The following PXDNL variants were observed in gnomAD, a reference collection of about 807,000 sequenced individuals.
The protein encoded by PXDNL is peroxidasin like, also known as probable oxidoreductase PXDNL.
Under a neutral mutation model 150.8 loss-of-function variants are expected in PXDNL, and 145 were observed. The ratio of observed to expected loss-of-function variants is 0.96; its 90% CI spans 0.84 to 1.10. The LOEUF is 1.10. Among genes scored for constraint, PXDNL ranks in the 50% least tolerant of loss-of-function variants. The pLI is 0.00. For missense variants in PXDNL, 2,087 were observed against 1,873.9 expected (o/e 1.11, Z -2.10); for synonymous variants, 757 against 725.7 (o/e 1.04, Z -0.69).
chr8:51,694,021 T>C (rs1331671229), intron 1 of PXDNL, among the ~76,000 whole-genome samples: 1 of 152,174 alleles, frequency 6.6e-6, no homozygotes, highest in Admixed American at 6.5e-5. Flanking sequence ...ATCACTCTTT[T>C]TGGGGAAACA....
At chr8:51,599,359 G>A (rs1813643028) in intron 2 of PXDNL, among the ~76,000 whole-genome samples, 1 of 151,588 alleles carries the variant, frequency 6.6e-6, no homozygotes, top group Non-Finnish European at 1.5e-5. Flanking sequence ...AATTTTTTGA[G>A]GTAGGCATTT....
chr8:51,390,494 G>A (rs1442030546), intron 17 of PXDNL, among the ~76,000 whole-genome samples: 4 of 152,138 alleles, frequency 2.6e-5, no homozygotes, highest in African/African-American at 9.7e-5. Flanking sequence ...GATGAAATAA[G>A]TACAAATATT....
rs1816320827 is a variant in PXDNL at position 51,704,409 on chromosome 8, G to T, written c.165-49649C>A. Among the ~76,000 whole-genome samples, 4 of 152,298 alleles carry T rather than the reference G, an allele frequency of 2.6e-5. No individual in the cohort carries two copies. The South Asian group carries it at 8.3e-4, about 32-fold the overall frequency. On this transcript the variant is annotated intron_variant, in intron 1 of 22. Coordinates refer to ENST00000356297, the MANE Select transcript of PXDNL (RefSeq NM_144651.5). ...TATTCGAAGATATTTGGGTTGCTAA[G>T]AGTTACTTGCTGTTACAAAGATGTC... is the stretch of plus-strand genomic sequence containing the variant.
intron 1 of PXDNL, among the ~76,000 whole-genome samples, chr8:51,741,256 G>A (rs1470577644): frequency 6.6e-6 from 1 of 152,150 alleles, no homozygotes; most frequent in Non-Finnish European, 1.5e-5. Context: ...AGATTTGCTA[G>A]TTTATTTGCG....
chr8:51,457,766 T>A, intron 8 of PXDNL, 99 bp from the exon 9 acceptor site: 1 of 749,662 alleles, frequency 1.3e-6, no homozygotes, highest in Non-Finnish European at 2.0e-6. Flanking sequence ...ATGTTTCATG[T>A]CTACCAAATT....
intron 5 of PXDNL, among the ~76,000 whole-genome samples, chr8:51,493,977 G>T (rs546358810): frequency 7.2e-6 from 1 of 138,560 alleles, no homozygotes; most frequent in African/African-American, 2.7e-5. Context: ...ACACATAATT[G>T]TCAGATTCAC....
intron 4 of PXDNL, among the ~76,000 whole-genome samples, chr8:51,529,708 A>G (rs1357502919): frequency 1.3e-5 from 2 of 152,292 alleles, no homozygotes; most frequent in East Asian, 3.9e-4. Flanking sequence ...AGATGCACAC[A>G]GCCAGCTACC....
At chr8:51,780,654 C>CTTTTTTTTTTTTTTTTTTTTTTTTT (rs71237240) in intron 1 of PXDNL, among the ~76,000 whole-genome samples, 1 of 75,172 alleles carries the variant, frequency 1.3e-5, no homozygotes, top group East Asian at 3.7e-4. Context: ...CTTTTCTTTT[C>CTTTTTTTTTTTTTTTTTTTTTTTTT]TTTTTTTTTT....
chr8:51,353,329 G>A lies in PXDNL; in HGVS notation c.3902-7382C>T, dbSNP rs146143385. Among the ~76,000 whole-genome samples the A allele has an allele frequency of 8.6e-3, 1,301 of 150,974 alleles. 24 individuals are homozygous for A. Among genetic ancestry groups the A allele is most frequent in the African/African-American group, 0.03 (1,246 of 41,252 alleles). ...TTCTCAGTACATTCATATTTATTTA[G>A]CTGTCTTTTCTCTAACATCTTAAGC... On this transcript the variant is annotated intron_variant, in intron 19 of 22. Transcript: ENST00000356297.
At chr8:51,403,966 C>T (rs1314023404) in intron 17 of PXDNL, among the ~76,000 whole-genome samples, 1 of 152,260 alleles carries the variant, frequency 6.6e-6, no homozygotes, top group South Asian at 2.1e-4. Flanking sequence ...CTGGTGGGTT[C>T]GTGGTCTCAC....
intron 4 of PXDNL, among the ~76,000 whole-genome samples, chr8:51,510,625 G>A (rs995691381): frequency 4.6e-5 from 7 of 152,148 alleles, no homozygotes; most frequent in African/African-American, 1.4e-4. Flanking sequence ...AGATAAAACC[G>A]TCCCATGAGG....
Position 51,752,231 on chromosome 8 carries a change from G to A in PXDNL, c.164+56950C>T, listed in dbSNP as rs537175632. 3.9e-5 allele frequency among the ~76,000 whole-genome samples: 6 copies of A among 152,206 alleles called. No individual in the cohort carries two copies. The East Asian group carries it at 1.2e-3, about 29-fold the overall frequency. On this transcript the variant is annotated intron_variant, in intron 1 of 22. Coordinates refer to ENST00000356297, the MANE Select transcript of PXDNL (RefSeq NM_144651.5). ...GTGCTGGGGTGATTACCCTTATCTC[G>A]TCTCCTGTTAAATCACGGAGGTTTG...
At chr8:51,379,381 C>G (rs1807462107) in intron 17 of PXDNL, among the ~76,000 whole-genome samples, 1 of 152,128 alleles carries the variant, frequency 6.6e-6, no homozygotes, top group Admixed American at 6.5e-5. Context: ...TTTTGGTAAT[C>G]TGAGGGGTGT....
In PXDNL at chr8:51,412,070, C is replaced by T. The variant is rs73579685; in HGVS notation, c.1905-663G>A. Reference sequence around the variant, plus strand: ...CAAATACCAAGCCCACTGACCAGCACATAATAGCAGTTTATGCACATTTGT... The same window carrying T: ...CAAATACCAAGCCCACTGACCAGCATATAATAGCAGTTTATGCACATTTGT... On this transcript the variant is annotated intron_variant, in intron 15 of 22. Coordinates refer to ENST00000356297, the MANE Select transcript of PXDNL (RefSeq NM_144651.5). 6.7e-3 allele frequency among the ~76,000 whole-genome samples: 1,018 copies of T among 152,294 alleles called. 7 individuals carry two copies. The highest frequency in any genetic ancestry group is 0.023 in the African/African-American group (960 of 41,558).
intron 5 of PXDNL, among the ~76,000 whole-genome samples, chr8:51,492,714 A>G (rs1810925753): frequency 6.6e-6 from 1 of 152,164 alleles, no homozygotes; most frequent in Non-Finnish European, 1.5e-5. Context: ...TCAAACTGCA[A>G]GGAGGTAGTG....
At chr8:51,788,224 G>A (rs1408258197) in intron 1 of PXDNL, among the ~76,000 whole-genome samples, 2 of 152,190 alleles carry the variant, frequency 1.3e-5, no homozygotes, top group Non-Finnish European at 2.9e-5. Context: ...TGTAATGACT[G>A]TATGTAAATT....
intron 7 of PXDNL, among the ~76,000 whole-genome samples, chr8:51,473,465 G>A (rs192446950): frequency 6.6e-6 from 1 of 152,254 alleles, no homozygotes; most frequent in East Asian, 1.9e-4. Context: ...TATTTAAAAG[G>A]AGGACCATTA....
intron 1 of PXDNL, among the ~76,000 whole-genome samples, chr8:51,709,586 A>G (rs1465134581): frequency 2.0e-5 from 3 of 152,200 alleles, no homozygotes; most frequent in African/African-American, 7.2e-5. Context: ...TTATTCTAAG[A>G]AACTGACCAG....
At chr8:51,745,628 C>T (rs2036975295) in intron 1 of PXDNL, among the ~76,000 whole-genome samples, 1 of 152,224 alleles carries the variant, frequency 6.6e-6, no homozygotes, top group Non-Finnish European at 1.5e-5. Context: ...GACGGTGGAA[C>T]ATTACCTTGC....
Sources: gnomAD v4.1 joint callset for allele counts (sites outside exome capture counted in the v4.1 genomes callset) on GRCh38, gnomAD v4.1.1 for gene constraint, MANE v1.5 for transcripts, NCBI Gene and HGNC (gene_info 2026-07-23, HGNC 2026-07-21) for gene names.